MDH2: variants seen among roughly 807,000 people sequenced by gnomAD.
MDH2 encodes the protein malate dehydrogenase 2, also known as malate dehydrogenase, mitochondrial.
MDH2 carries 25 observed loss-of-function variants against 33.6 expected under a neutral mutation model. The ratio of observed to expected loss-of-function variants is 0.74; its 90% CI spans 0.54 to 1.04. MDH2 has a LOEUF of 1.04. Ranked by LOEUF, MDH2 falls within the 50% of genes least tolerant of loss-of-function variation. The probability of loss-of-function intolerance (pLI) is 0.00; values close to 1 mark genes in which losing one functional copy is unlikely to be tolerated. For missense variants in MDH2, 432 were observed against 445.0 expected, an observed-to-expected ratio of 0.97 and a Z score of 0.26; for synonymous variants, 193 against 188.7, an observed-to-expected ratio of 1.02 and a Z score of -0.19.
chr7:76,057,308 C>T, intron 2 of MDH2, 102 bp from the exon 3 acceptor site: 6 of 1,190,086 alleles, frequency 5.0e-6, no homozygotes, highest in Non-Finnish European at 7.3e-6. Context: ...GGGCTTCTAG[C>T]CTTTCTCGAG....
At position 76,067,288 on chromosome 7, in the gene MDH2, G is replaced by C. The variant is rs8200; in HGVS notation, c.*878G>C. 68,953 of 152,090 alleles carry C rather than the reference G, an allele frequency of 0.45. 18,109 individuals are homozygous for C. Among genetic ancestry groups the C allele is most frequent in the African/African-American group, 0.72 (29,876 of 41,474 alleles). 9.4% of individuals were successfully genotyped at this position (152,090 alleles called of 1,614,324 possible). On this transcript the variant is annotated 3_prime_UTR_variant, in exon 9 of 9. Coordinates refer to ENST00000315758, the MANE Select transcript of MDH2 (RefSeq NM_005918.4). ...GCATACCTGGGAAAGAACTTTCTAG[G>C]AATAGGCAATGGCCTTCAGTGGAAG...
rs375411208 is a variant in MDH2, at chr7:76,060,385, A to T, written c.442A>T (p.Ile148Phe). ...CVIANPVNST[I>F]PITAEVFKKH... is the part of the protein sequence containing the mutation. ...TTGGATGTCCTAGGTTAATTCCACC[A>T]TCCCCATCACAGCAGAAGTTTTCAA... The change falls in exon 5 of 9, where the codon ATC becomes TTC. Residue 148 changes from isoleucine to phenylalanine, a missense_variant. Transcript: ENST00000315758. 26 of 1,614,014 alleles carry T rather than the reference A, an allele frequency of 1.6e-5. No individual in the cohort carries two copies. In the African/African-American group the frequency reaches 3.1e-4, roughly 19 times the overall value.
intron 1 of MDH2, among the ~76,000 whole-genome samples, chr7:76,052,562 A>ATT (rs781982527): frequency 3.5e-4 from 47 of 133,210 alleles, no homozygotes; most frequent in Middle Eastern, 3.9e-3. Flanking sequence ...GCTTTGGAAG[A>ATT]TTTTTTTTTT....
intron 3 of MDH2, 114 bp from the exon 4 acceptor site, chr7:76,057,855 G>A: frequency 1.1e-6 from 1 of 927,198 alleles, no homozygotes; most frequent in Non-Finnish European, 1.7e-6. Flanking sequence ...GGACTGACTT[G>A]AAACGGGGAC....
chr7:76,057,344 G>A, intron 2 of MDH2, 66 bp from the exon 3 acceptor site: 1 of 1,578,622 alleles, frequency 6.3e-7, no homozygotes, highest in Non-Finnish European at 8.7e-7. Context: ...TAAGGCCAGG[G>A]CTGAACTTTC....
At chr7:76,055,984 T>A (rs551702067) in intron 2 of MDH2, among the ~76,000 whole-genome samples, 170 of 152,124 alleles carry the variant, frequency 1.1e-3, no homozygotes, top group Non-Finnish European at 2.1e-3. Context: ...TGCAACACCA[T>A]GCCCAGCTAA....
chr7:76,065,491 C>T (rs925230247), intron 8 of MDH2, among the ~76,000 whole-genome samples: 6 of 152,182 alleles, frequency 3.9e-5, no homozygotes, highest in African/African-American at 1.2e-4. Context: ...AGTAATATGG[C>T]TCACTGGGCC....
chr7:76,055,962 G>A (rs1164149253), intron 2 of MDH2, among the ~76,000 whole-genome samples: 4 of 151,526 alleles, frequency 2.6e-5, no homozygotes, highest in Non-Finnish European at 5.9e-5. Flanking sequence ...CGAGTAGCTG[G>A]GACCACAGGT....
At chr7:76,063,034 G>C (rs1336832199) in intron 5 of MDH2, among the ~76,000 whole-genome samples, 1 of 152,232 alleles carries the variant, frequency 6.6e-6, no homozygotes, top group Non-Finnish European at 1.5e-5. Context: ...ATCACTGTTT[G>C]AGGTGGCAGA....
intron 1 of MDH2, among the ~76,000 whole-genome samples, chr7:76,054,180 G>A (rs551741417): frequency 1.3e-5 from 2 of 152,278 alleles, no homozygotes; most frequent in East Asian, 1.9e-4. Context: ...ACTGGAGCCC[G>A]AGATGACAGA....
rs1482852359 is a variant in MDH2 at position 76,048,119 on chromosome 7, C to T, written c.-42C>T. On this transcript the variant is annotated 5_prime_UTR_variant, in exon 1 of 9. Transcript: ENST00000315758. ...GTCGTTGGAGTCACTTCCCCGTCAC[C>T]AGCTCCTGTGCCTGCCAGTCGGTGC... The T allele has an allele frequency of 3.3e-6, 5 of 1,536,574 alleles. No individual in the cohort carries two copies. The highest frequency in any genetic ancestry group is 4.4e-6 in the Non-Finnish European group (5 of 1,146,690).
intron 1 of MDH2, chr7:76,048,560 AC>A (rs1554584635): frequency 1.1e-5 from 14 of 1,313,210 alleles, no homozygotes; most frequent in Middle Eastern, 5.7e-4. Flanking sequence ...AAGTAAACTT[AC>A]GTTTTTTTCT....
In MDH2 at chr7:76,066,561, G is replaced by A. The variant is rs950211741; in HGVS notation, c.*151G>A. 4.2e-6 allele frequency: 4 copies of A among 941,854 alleles called. No homozygotes were observed. The highest frequency in any genetic ancestry group is 5.8e-6 in the Non-Finnish European group (4 of 684,584). The allele number at this position is 941,854 out of a possible 1,614,324, so 58.3% of individuals were successfully genotyped here. A position where few individuals can be genotyped will look rare whatever the true frequency, so the allele number is the denominator to read the frequency against. On this transcript the variant is annotated 3_prime_UTR_variant, in exon 9 of 9. Transcript: ENST00000315758. ...TTCCAAATTGTGGGTGGCTCTGTGG[G>A]CGCATCAATAAAAGCCGTCCTTGAT...
intron 1 of MDH2, 83 bp downstream of exon 1, chr7:76,048,309 C>CCTCT: frequency 6.8e-7 from 1 of 1,475,124 alleles, no homozygotes; most frequent in Non-Finnish European, 9.0e-7. Context: ...CAGCTCTGAC[C>CCTCT]CTCTCCAGGC....
intron 5 of MDH2, among the ~76,000 whole-genome samples, chr7:76,062,038 G>A (rs898506870): frequency 3.3e-5 from 5 of 152,202 alleles, no homozygotes. Flanking sequence ...TGGGGACAGG[G>A]TACCTTGGCC....
intron 8 of MDH2, among the ~76,000 whole-genome samples, chr7:76,065,813 A>T (rs2116706311): frequency 6.6e-6 from 1 of 152,288 alleles, no homozygotes; most frequent in South Asian, 2.1e-4. Context: ...CTACTTAGTG[A>T]CACCTGATTC....
At position 76,054,937 on chromosome 7, in the gene MDH2, C is replaced by A. The variant is rs782717623; in HGVS notation, c.174C>A (p.Ile58=). 1 of 1,613,978 alleles carries A rather than the reference C, an allele frequency of 6.2e-7. No individual in the cohort carries two copies. Among genetic ancestry groups the A allele is most frequent in the African/African-American group, 1.3e-5 (1 of 74,882 alleles). The change falls in exon 2 of 9, where the codon ATC becomes ATA. Residue 58 remains isoleucine, a synonymous_variant. Transcript: ENST00000315758. The part of the protein sequence containing the change: ...PLVSRLTLYD[I]AHTPGVAADL... ...TGAGCCGCCTGACCCTCTATGATAT[C>A]GCGCACACACCCGGAGTGGCCGCAG...
intron 2 of MDH2, among the ~76,000 whole-genome samples, chr7:76,056,648 G>A (rs1585404418): frequency 6.6e-6 from 1 of 152,216 alleles, no homozygotes; most frequent in East Asian, 1.9e-4. Flanking sequence ...GATGATAGGA[G>A]TAAACGAAAT....
Position 76,057,961 on chromosome 7 carries a change from A to G in MDH2, c.320-8A>G. ...CTCTGTTAACATCTCATATTGGATC[A>G]TTTCCAGGCATGACCCGGGACGACC... On this transcript the variant is annotated splice_region_variant and splice_polypyrimidine_tract_variant and intron_variant, in intron 3 of 8. Transcript: ENST00000315758. 1 of 1,613,416 alleles carries G rather than the reference A, an allele frequency of 6.2e-7. No individual in the cohort carries two copies. Among genetic ancestry groups the G allele is most frequent in the Non-Finnish European group, 8.5e-7 (1 of 1,179,496 alleles).
Sources: gnomAD v4.1 joint callset for allele counts (sites outside exome capture counted in the v4.1 genomes callset) on GRCh38, gnomAD v4.1.1 for gene constraint, MANE v1.5 for transcripts, NCBI Gene and HGNC (gene_info 2026-07-23, HGNC 2026-07-21) for gene names.